Variants in JAM2 observed in about 807,000 individuals in gnomAD.
JAM2 encodes the protein junctional adhesion molecule B.
In JAM2, 17 loss-of-function variants were observed where a neutral mutation model predicts 42.0. The observed-to-expected ratio is 0.40, with a 90% CI of 0.28 to 0.61. The LOEUF (loss-of-function observed/expected upper bound fraction) is 0.61, where lower values mean the gene tolerates loss of function less well. Among genes scored for constraint, JAM2 ranks in the 20% least tolerant of loss-of-function variants. The pLI is 0.37. For synonymous variants in JAM2, 118 were observed against 128.6 expected (o/e 0.92, Z 0.56); for missense variants, 319 against 358.3 (o/e 0.89, Z 0.89).
rs1156775846 is a variant in JAM2 at position 25,643,292 on chromosome 21, C to G, written c.67+3404C>G. 2.0e-5 allele frequency among the ~76,000 whole-genome samples: 3 copies of G among 152,280 alleles called. No individual in the cohort carries two copies. In the South Asian group the frequency reaches 6.2e-4, roughly 32 times the overall value. ...TCAAAAAATAATAGGAATGAGTATT[C>G]CGTGTTTGGTGGGGTGTTGTCATGC... is the stretch of plus-strand genomic sequence containing the variant. On this transcript the variant is annotated intron_variant, in intron 1 of 9. Transcript: ENST00000480456.
intron 1 of JAM2, among the ~76,000 whole-genome samples, chr21:25,678,987 A>C (rs1164641142): frequency 6.6e-6 from 1 of 152,130 alleles, no homozygotes; most frequent in Non-Finnish European, 1.5e-5. Flanking sequence ...TTTTTTGTAG[A>C]GATGGGGGAT....
intron 1 of JAM2, among the ~76,000 whole-genome samples, chr21:25,649,737 A>T (rs1157825016): frequency 2.0e-5 from 3 of 152,176 alleles, no homozygotes; most frequent in African/African-American, 7.2e-5. Flanking sequence ...GAGACAATAG[A>T]GACTGTTTTA....
intron 1 of JAM2, among the ~76,000 whole-genome samples, chr21:25,640,357 G>C (rs1036221565): frequency 1.3e-5 from 2 of 152,232 alleles, no homozygotes; most frequent in Non-Finnish European, 2.9e-5. Flanking sequence ...CAGCTGAGCC[G>C]GCGATATGCA....
At chr21:25,652,354 T>C (rs2032805307) in intron 1 of JAM2, among the ~76,000 whole-genome samples, 1 of 152,104 alleles carries the variant, frequency 6.6e-6, no homozygotes, top group Non-Finnish European at 1.5e-5. Context: ...ATTGTGCTAC[T>C]GCACTCTAGC....
chr21:25,702,788 G>T (rs2034193982), intron 6 of JAM2, among the ~76,000 whole-genome samples: 1 of 151,998 alleles, frequency 6.6e-6, no homozygotes. Flanking sequence ...AAAAATTAAG[G>T]CATTGTTTTC....
intron 9 of JAM2, among the ~76,000 whole-genome samples, chr21:25,713,819 C>T (rs1275193836): frequency 6.6e-6 from 1 of 152,222 alleles, no homozygotes; most frequent in Admixed American, 6.5e-5. Flanking sequence ...GAATCGAATA[C>T]TCCCATCCCT....
intron 1 of JAM2, among the ~76,000 whole-genome samples, chr21:25,656,483 C>G (rs1460603744): frequency 6.6e-6 from 1 of 152,082 alleles, no homozygotes; most frequent in African/African-American, 2.4e-5. Flanking sequence ...CTTGAAGACC[C>G]CAAATCTATA....
intron 1 of JAM2, among the ~76,000 whole-genome samples, chr21:25,647,198 A>C (rs1023345): frequency 0.045 from 6,839 of 152,316 alleles, 195 homozygotes; most frequent in Middle Eastern, 0.082. Flanking sequence ...TGTCTAACTA[A>C]AAATAATATA....
intron 1 of JAM2, chr21:25,643,404 A>C (rs1459618581): frequency 1.4e-4 from 22 of 152,116 alleles, no homozygotes; most frequent in Admixed American, 1.4e-3. Context: ...TCAGATCTGG[A>C]CTGGAACCTG....
rs1476972799 is a variant in JAM2, at chr21:25,717,481, T to A, written c.*2809T>A. The stretch of plus-strand genomic sequence containing the variant: ...TTTGACCTAAGTCTGGACCAATTGA[T>A]TGCTTTTCAATACAACTTTGCAAAG... On this transcript the variant is annotated 3_prime_UTR_variant, in exon 10 of 10. Coordinates refer to ENST00000480456, the MANE Select transcript of JAM2 (RefSeq NM_021219.4). The A allele has an allele frequency of 1.4e-6, 1 of 699,140 alleles. No individual in the cohort carries two copies. Among genetic ancestry groups the A allele is most frequent in the African/African-American group, 1.8e-5 (1 of 54,516 alleles). 43.3% of individuals were successfully genotyped at this position (699,140 alleles called of 1,614,324 possible). A position where few individuals can be genotyped will look rare whatever the true frequency, so the allele number is the denominator to read the frequency against.
intron 3 of JAM2, chr21:25,692,494 C>T: frequency 1.1e-5 from 2 of 188,706 alleles, no homozygotes; most frequent in Non-Finnish European, 2.3e-5. Flanking sequence ...ATATGACTGT[C>T]TGAGTACCTG....
chr21:25,650,037 C>T (rs926870726), intron 1 of JAM2, among the ~76,000 whole-genome samples: 1 of 152,154 alleles, frequency 6.6e-6, no homozygotes, highest in Non-Finnish European at 1.5e-5. Flanking sequence ...AACTCATTTG[C>T]TTCTGTGAGA....
At chr21:25,643,764 C>G (rs3787613) in intron 1 of JAM2, 95,899 of 152,036 alleles carry the variant, frequency 0.63, 31,583 homozygotes, top group Non-Finnish European at 0.74. Context: ...AAACTTCAGC[C>G]TGAGCACAGT....
rs200797220 is a variant in JAM2, at chr21:25,705,934, C to A, written c.698-45C>A. ...TTTCAATTTAATGACTGCATCTGTC[C>A]GTGTAATCCACATATATTTATGCGT... On this transcript the variant is annotated intron_variant, in intron 6 of 9. Transcript: ENST00000480456. 14 of 1,262,662 alleles carry A rather than the reference C, an allele frequency of 1.1e-5. No homozygotes were observed. The Admixed American group carries it at 2.4e-4, about 21-fold the overall frequency. The allele number at this position is 1,262,662 out of a possible 1,614,324, so 78.2% of individuals were successfully genotyped here. A position where few individuals can be genotyped will look rare whatever the true frequency, so the allele number is the denominator to read the frequency against.
At position 25,706,183 on chromosome 21, in the gene JAM2, G is replaced by T. The variant is rs1006743721; in HGVS notation, c.805+97G>T. On this transcript the variant is annotated intron_variant, in intron 7 of 9. Transcript: ENST00000480456. ...CTCCTAGGAAGTTGTTTTTTTGTTT[G>T]TTTGTTTGTTTTTCAGACAGAGTCT... is the stretch of plus-strand genomic sequence containing the variant. The T allele has an allele frequency of 1.7e-5, 14 of 820,368 alleles. No homozygotes were observed. In the African/African-American group the frequency reaches 1.7e-4, roughly 10 times the overall value. 50.8% of individuals were successfully genotyped at this position (820,368 alleles called of 1,614,324 possible).
At chr21:25,657,893 T>C (rs780116228) in intron 1 of JAM2, among the ~76,000 whole-genome samples, 22 of 152,188 alleles carry the variant, frequency 1.4e-4, no homozygotes, top group Admixed American at 3.9e-4. Flanking sequence ...ACAGAGCCTG[T>C]TTTGGAAGGA....
intron 1 of JAM2, among the ~76,000 whole-genome samples, chr21:25,667,091 T>C (rs2033242232): frequency 6.6e-6 from 1 of 152,258 alleles, no homozygotes; most frequent in South Asian, 2.1e-4. Context: ...ATCCACAGTT[T>C]TCCTTTTTGC....
chr21:25,713,981 T>C (rs145919080), intron 9 of JAM2, among the ~76,000 whole-genome samples: 91 of 152,348 alleles, frequency 6.0e-4, no homozygotes, highest in African/African-American at 2.2e-3. Context: ...ACCTCAGCAC[T>C]ACTGATATTT....
At chr21:25,675,055 A>G (rs933350433) in intron 1 of JAM2, among the ~76,000 whole-genome samples, 1 of 152,134 alleles carries the variant, frequency 6.6e-6, no homozygotes, top group Non-Finnish European at 1.5e-5. Context: ...TGCAGGCTGT[A>G]CAGGAAGCAT....
Sources: gnomAD v4.1 joint callset for allele counts (sites outside exome capture counted in the v4.1 genomes callset) on GRCh38, gnomAD v4.1.1 for gene constraint, MANE v1.5 for transcripts, NCBI Gene and HGNC (gene_info 2026-07-23, HGNC 2026-07-21) for gene names.